ZNF362: variants seen among roughly 807,000 people sequenced by gnomAD.
The protein encoded by ZNF362 is zinc finger protein 362.
In ZNF362, 11 loss-of-function variants were observed where a neutral mutation model predicts 42.9. That is an observed-to-expected ratio of 0.26 (90% CI 0.16 to 0.42). The LOEUF (loss-of-function observed/expected upper bound fraction) is 0.42. Ranked by LOEUF, ZNF362 falls within the 20% of genes least tolerant of loss-of-function variation. ZNF362 has a pLI of 1.00. For synonymous variants in ZNF362, 255 were observed against 257.3 expected (o/e 0.99, Z 0.09); for missense variants, 362 against 576.2 (o/e 0.63, Z 3.81).
the ZNF362 span, among the ~76,000 whole-genome samples, chr1:33,232,776 T>C: frequency 3.3e-5 from 5 of 152,194 alleles, no homozygotes; most frequent in East Asian, 9.6e-4. Context: ...CCGTATTTAG[T>C]TGGGGTTTCT....
the ZNF362 span, chr1:33,147,437 C>A: frequency 2.5e-6 from 4 of 1,614,064 alleles, no homozygotes; most frequent in Non-Finnish European, 3.4e-6. This position sits in a 1 kb window ranked among gnomAD's most constrained non-coding sequence, Gnocchi z 8.1. Flanking sequence ...TCGTGCATCA[C>A]GATGCAGTAG....
the ZNF362 span, among the ~76,000 whole-genome samples, chr1:33,233,216 C>T: frequency 6.6e-6 from 1 of 152,196 alleles, no homozygotes; most frequent in African/African-American, 2.4e-5. Flanking sequence ...CTTTAGTTCC[C>T]CTGATTGCTC....
At chr1:33,203,811 T>C in the ZNF362 span, among the ~76,000 whole-genome samples, 7 of 152,154 alleles carry the variant, frequency 4.6e-5, no homozygotes, top group African/African-American at 1.4e-4. Flanking sequence ...ATTTTTTAAT[T>C]GGGTTATTTG....
At chr1:33,245,564 A>G in the ZNF362 span, among the ~76,000 whole-genome samples, 1 of 152,204 alleles carries the variant, frequency 6.6e-6, no homozygotes, top group Non-Finnish European at 1.5e-5. Flanking sequence ...TCGTGAGATG[A>G]GATCTGAAGA....
the ZNF362 span, among the ~76,000 whole-genome samples, chr1:33,178,961 T>A: frequency 6.6e-6 from 1 of 152,176 alleles, no homozygotes; most frequent in Non-Finnish European, 1.5e-5. Context: ...GGCTAGAAGG[T>A]CAGACAAGGA....
At chr1:33,128,195 C>G in the ZNF362 span, among the ~76,000 whole-genome samples, 16 of 142,470 alleles carry the variant, frequency 1.1e-4, no homozygotes. Flanking sequence ...TGAAACTCCC[C>G]ACCTCTCCAA....
the ZNF362 span, among the ~76,000 whole-genome samples, chr1:33,231,375 C>T: frequency 6.6e-6 from 1 of 152,192 alleles, no homozygotes; most frequent in South Asian, 2.1e-4. Flanking sequence ...GTTTTTTCTA[C>T]TAATCCTAAG....
chr1:33,275,626 G>A (rs1645938472), intron 2 of ZNF362, among the ~76,000 whole-genome samples: 1 of 152,202 alleles, frequency 6.6e-6, no homozygotes, highest in South Asian at 2.1e-4. Context: ...CTGATTTTGA[G>A]AAGGATGTCC....
the ZNF362 span, among the ~76,000 whole-genome samples, chr1:33,249,052 G>A: frequency 1.3e-5 from 2 of 152,226 alleles, no homozygotes; most frequent in Admixed American, 6.5e-5. Context: ...TTAGAAATCA[G>A]AATGAATAAT....
the ZNF362 span, among the ~76,000 whole-genome samples, chr1:33,138,806 C>T: frequency 5.3e-5 from 8 of 152,056 alleles, no homozygotes; most frequent in African/African-American, 1.9e-4. Context: ...AGGAAAGCAA[C>T]ACATTTTAAA....
chr1:33,299,210 C>A lies in ZNF362; in HGVS notation c.*164C>A. 3.3e-6 allele frequency: 2 copies of A among 603,508 alleles called. No homozygotes were observed. Among genetic ancestry groups the A allele is most frequent in the East Asian group, 5.6e-5 (2 of 35,974 alleles). 37.4% of individuals were successfully genotyped at this position (603,508 alleles called of 1,614,324 possible). On this transcript the variant is annotated 3_prime_UTR_variant, in exon 9 of 9. Transcript: ENST00000539719. ...CGCAGAAGCCCTGCCTGGTCCAGTC[C>A]GGGGGCGGCCAGGCCAACTGCAAGA... is the stretch of plus-strand genomic sequence containing the variant.
At chr1:33,221,517 G>A in the ZNF362 span, among the ~76,000 whole-genome samples, 1 of 152,208 alleles carries the variant, frequency 6.6e-6, no homozygotes, top group Non-Finnish European at 1.5e-5. Flanking sequence ...AAAACATAGA[G>A]TGCCCAAACT....
chr1:33,202,024 G>C, the ZNF362 span, among the ~76,000 whole-genome samples: 1 of 152,146 alleles, frequency 6.6e-6, no homozygotes, highest in Non-Finnish European at 1.5e-5. Flanking sequence ...TAGATGAAAT[G>C]GACAAATTCC....
chr1:33,228,683 T>C, the ZNF362 span, among the ~76,000 whole-genome samples: 3 of 152,152 alleles, frequency 2.0e-5, no homozygotes, highest in Admixed American at 2.0e-4. Context: ...CACTCCTCAG[T>C]GTGACTCTGC....
chr1:33,245,390 C>G, the ZNF362 span, among the ~76,000 whole-genome samples: 3 of 151,756 alleles, frequency 2.0e-5, no homozygotes, highest in Non-Finnish European at 4.4e-5. Flanking sequence ...GAGGCATATA[C>G]GAGGGATTTT....
chr1:33,264,820 G>A lies in ZNF362; in HGVS notation c.-88-5667G>A, dbSNP rs59068349. Among the ~76,000 whole-genome samples the A allele has an allele frequency of 2.9e-3, 435 of 152,214 alleles. 1 individual carries two copies. The highest frequency in any genetic ancestry group is 9.8e-3 in the African/African-American group (409 of 41,538). Reference sequence around the variant, plus strand: ...CTCATTCCTGACCCCAAACAAAGAAGTGATGACCATAGAAGCTTGGGGGAC... The same window carrying A: ...CTCATTCCTGACCCCAAACAAAGAAATGATGACCATAGAAGCTTGGGGGAC... On this transcript the variant is annotated intron_variant, in intron 1 of 8. Coordinates refer to ENST00000539719, the MANE Select transcript of ZNF362 (RefSeq NM_152493.3).
rs1200995266 is a variant in ZNF362 at position 33,299,001 on chromosome 1, G to C, written c.1218G>C (p.Gln406His). The C allele has an allele frequency of 8.1e-6, 13 of 1,612,768 alleles. No individual in the cohort carries two copies. Among genetic ancestry groups the C allele is most frequent in the Non-Finnish European group, 1.1e-5 (13 of 1,180,030 alleles). The change falls in exon 9 of 9, where the codon CAG becomes CAC. Residue 406 changes from glutamine (Q) to histidine (H), a missense_variant. Gln to His is a conservative substitution (Grantham distance 24). This residue lies in a region of ZNF362 where 68 missense variants were observed against 107.4 expected (regional missense o/e 0.63). Coordinates refer to ENST00000539719, the MANE Select transcript of ZNF362 (RefSeq NM_152493.3). ...ACCTGGTGAGCCATCACTCGCCCCA[G>C]AGGACGGAGTCCCCCGGCATCCCGG... Reference protein sequence around the residue: ...VEHLVSHHSPQRTESPGIPVR... With the variant: ...VEHLVSHHSPHRTESPGIPVR...
At chr1:33,270,683 G>A in intron 2 of ZNF362, 71 bp downstream of exon 2, 3 of 1,582,700 alleles carry the variant, frequency 1.9e-6, no homozygotes, top group East Asian at 2.3e-5. Context: ...AAAGCATTGT[G>A]TTCGTCCCAC....
At chr1:33,175,557 T>G in the ZNF362 span, among the ~76,000 whole-genome samples, 1 of 152,198 alleles carries the variant, frequency 6.6e-6, no homozygotes, top group Non-Finnish European at 1.5e-5. Context: ...AGATGGTTTC[T>G]CAGGTTCCTC....
Sources: gnomAD v4.1 joint callset for allele counts (sites outside exome capture counted in the v4.1 genomes callset) on GRCh38, gnomAD v4.1.1 for gene constraint, gnomAD v4.1.1 regional missense constraint, Gnocchi (gnomAD v3.1) non-coding constraint, MANE v1.5 for transcripts, NCBI Gene and HGNC (gene_info 2026-07-23, HGNC 2026-07-21) for gene names.